Variants in MYO7A observed in about 807,000 individuals in gnomAD.
The protein encoded by MYO7A is unconventional myosin-VIIa.
Under a neutral mutation model 263.8 loss-of-function variants are expected in MYO7A, and 210 were observed. The observed-to-expected ratio is 0.80, with a 90% CI of 0.71 to 0.89. The LOEUF is 0.89. MYO7A is among the 40% of genes least tolerant of loss of function. The pLI is 0.00. For synonymous variants in MYO7A, 1,239 were observed against 1,197.3 expected (o/e 1.03, Z -0.72); for missense variants, 2,820 against 2,968.3 (o/e 0.95, Z 1.16).
rs1223266742 is a variant in MYO7A, at chr11:77,151,446, C to T, written c.285+3496C>T. ...GGATGTGTTCTTGGTCTCCATGGCC[C>T]GCTAAATGCTAACGAAGTCCCCAGA... On this transcript the variant is annotated intron_variant, in intron 4 of 48. Coordinates refer to ENST00000409709, the MANE Select transcript of MYO7A (RefSeq NM_000260.4). Among the ~76,000 whole-genome samples, 10 of 152,122 alleles carry T rather than the reference C, an allele frequency of 6.6e-5. 1 individual carries two copies.
At chr11:77,196,816 G>C (rs1188642931) in intron 32 of MYO7A, among the ~76,000 whole-genome samples, 4 of 152,116 alleles carry the variant, frequency 2.6e-5, no homozygotes, top group East Asian at 1.9e-4. Context: ...ATAAAAACCA[G>C]GATTTCACTC....
At position 77,132,119 on chromosome 11, in the gene MYO7A, G is replaced by A. The variant is rs553280418; in HGVS notation, c.18+1467G>A. Among the ~76,000 whole-genome samples, 7 of 151,104 alleles carry A rather than the reference G, an allele frequency of 4.6e-5. No homozygotes were observed. The South Asian group carries it at 8.4e-4, about 18-fold the overall frequency. The stretch of plus-strand genomic sequence containing the variant: ...CCTCTCTTCCTGCCACATCCTTCCC[G>A]GTCCTGAAAGGTCCACGGAGTGCTT... On this transcript the variant is annotated intron_variant, in intron 2 of 48. Coordinates refer to ENST00000409709, the MANE Select transcript of MYO7A (RefSeq NM_000260.4).
In MYO7A at chr11:77,163,250, A is replaced by G. The variant is rs7937262; in HGVS notation, c.1690+262A>G. Reference sequence around the variant, plus strand: ...AACAGAGGCTCTGCAAGCATGGGGCAGTAACTCCTTCCCCTACCCCCGGCC... The same window carrying G: ...AACAGAGGCTCTGCAAGCATGGGGCGGTAACTCCTTCCCCTACCCCCGGCC... On this transcript the variant is annotated intron_variant, in intron 14 of 48. Transcript: ENST00000409709. Among the ~76,000 whole-genome samples, 61,421 of 151,948 alleles carry G rather than the reference A, an allele frequency of 0.4. 12,853 individuals carry two copies. Among genetic ancestry groups the G allele is most frequent in the African/African-American group, 0.49 (20,099 of 41,408 alleles).
At position 77,192,114 on chromosome 11, in the gene MYO7A, G is replaced by A. The variant is rs751586373; in HGVS notation, c.3988G>A (p.Ala1330Thr). 129 of 1,613,766 alleles carry A rather than the reference G, an allele frequency of 8.0e-5. No homozygotes were observed. The highest frequency in any genetic ancestry group is 1.1e-4 in the Non-Finnish European group (125 of 1,179,894). ...CGCCATCTCCCAGTGCGAGCAGTACGCCAAGGAGCAGGGCGCCCAGGAGCG... is the reference window on the plus strand; with the variant it reads ...CGCCATCTCCCAGTGCGAGCAGTACACCAAGGAGCAGGGCGCCCAGGAGCG... ...MDAISQCEQY[A>T]KEQGAQERNA... Residue 1330 changes from alanine (A) to threonine (T), a missense_variant, in exon 31 of 49, where the codon GCC becomes ACC. By Grantham distance (58) the Ala-to-Thr change is moderately conservative. Transcript: ENST00000409709.
chr11:77,206,259 G>A, intron 41 of MYO7A, 57 bp downstream of exon 41: 1 of 1,381,688 alleles, frequency 7.2e-7, no homozygotes. Context: ...GGCTTCCTGG[G>A]TGGACACCAA....
Position 77,162,109 on chromosome 11 carries a change from T to G in MYO7A, c.1344-11T>G, listed in dbSNP as rs1555069220. 4.4e-6 allele frequency: 7 copies of G among 1,589,446 alleles called. No homozygotes were observed. The highest frequency in any genetic ancestry group is 6.0e-6 in the Non-Finnish European group (7 of 1,167,818). ...GAACAACACCCTTACCCCATCCCTG[T>G]GCCCCTGCAGCTTTGAGCAGCTCTG... On this transcript the variant is annotated splice_polypyrimidine_tract_variant and intron_variant, in intron 12 of 48. Coordinates refer to ENST00000409709, the MANE Select transcript of MYO7A (RefSeq NM_000260.4).
rs1190021886 is a variant in MYO7A at position 77,194,403 on chromosome 11, G to A, written c.4202G>A (p.Gly1401Asp). 6.2e-7 allele frequency: 1 copy of A among 1,612,804 alleles called. No individual in the cohort carries two copies. The highest frequency in any genetic ancestry group is 8.5e-7 in the Non-Finnish European group (1 of 1,179,422). ...TCCCAGCAGTACTTTGTAGACTATG[G>A]CTCTGAGATGATCCTGGAGCGCCTC... Reference protein sequence around the residue: ...LASQQYFVDYGSEMILERLLN... With the variant: ...LASQQYFVDYDSEMILERLLN... The change falls in exon 32 of 49, where the codon GGC becomes GAC. Residue 1401 changes from glycine (G) to aspartate (D), a missense_variant. Transcript: ENST00000409709.
At chr11:77,156,448 T>C (rs1952463951) in intron 5 of MYO7A, among the ~76,000 whole-genome samples, 1 of 152,196 alleles carries the variant, frequency 6.6e-6, no homozygotes, top group Admixed American at 6.5e-5. Flanking sequence ...CTATGACAAG[T>C]ATGGATGCAG....
chr11:77,212,220 C>T (rs1473435972), intron 46 of MYO7A: 1 of 561,708 alleles, frequency 1.8e-6, no homozygotes, highest in African/African-American at 1.9e-5. Context: ...GGAGCCCTCG[C>T]CCAGGTGGCA....
In MYO7A at chr11:77,150,176, G is replaced by A. The variant is rs60704731; in HGVS notation, c.285+2226G>A. On this transcript the variant is annotated intron_variant, in intron 4 of 48. Transcript: ENST00000409709. ...CTGTCAGGAGGAGGCGGAGGGCCCC[G>A]TCTCAGGGGAGGAGCTGGGTAAAAT... is the stretch of plus-strand genomic sequence containing the variant. Among the ~76,000 whole-genome samples the A allele has an allele frequency of 5.1e-4, 77 of 152,342 alleles. No individual in the cohort carries two copies. The East Asian group carries it at 6.0e-3, about 12-fold the overall frequency.
At chr11:77,133,052 TG>T (rs1950812125) in intron 2 of MYO7A, among the ~76,000 whole-genome samples, 1 of 152,078 alleles carries the variant, frequency 6.6e-6, no homozygotes, top group Non-Finnish European at 1.5e-5. Flanking sequence ...CAGACCTATG[TG>T]GGGAGACAGC....
intron 1 of MYO7A, 88 bp from the exon 2 acceptor site, chr11:77,130,501 T>A (rs1396071716): frequency 2.0e-6 from 2 of 993,292 alleles, no homozygotes; most frequent in African/African-American, 1.6e-5. Flanking sequence ...GAGCTGGGGC[T>A]TTGGGAGGAG....
chr11:77,198,471 C>G, intron 33 of MYO7A, 24 bp from the exon 34 acceptor site: 10 of 1,610,702 alleles, frequency 6.2e-6, no homozygotes, highest in Non-Finnish European at 8.5e-6. Context: ...AGGCCTGCCT[C>G]TCAGTGCCTT....
chr11:77,210,390 A>C (rs1957782932), intron 44 of MYO7A, among the ~76,000 whole-genome samples: 1 of 152,070 alleles, frequency 6.6e-6, no homozygotes, highest in South Asian at 2.1e-4. Flanking sequence ...TTGGTGAGTT[A>C]GGTAGGTGAG....
chr11:77,154,008 G>C (rs923734603), intron 4 of MYO7A, among the ~76,000 whole-genome samples: 1 of 152,186 alleles, frequency 6.6e-6, no homozygotes, highest in South Asian at 2.1e-4. Flanking sequence ...CCAGCTACTC[G>C]AGACGTGGAG....
intron 15 of MYO7A, among the ~76,000 whole-genome samples, chr11:77,168,490 T>C (rs1953772714): frequency 1.3e-5 from 2 of 152,320 alleles, no homozygotes; most frequent in Admixed American, 1.3e-4. Flanking sequence ...ACTCCCACTT[T>C]ACAGGTGAAG....
Position 77,187,456 on chromosome 11 carries a change from G to A in MYO7A, c.3504-1888G>A, listed in dbSNP as rs76866643. On this transcript the variant is annotated intron_variant, in intron 27 of 48. Coordinates refer to ENST00000409709, the MANE Select transcript of MYO7A (RefSeq NM_000260.4). Reference sequence around the variant, plus strand: ...AGACCTGGAGCATAGTAAGCGCCCCGTAGATGGTAGCTTTGATCATCATCA... The same window carrying A: ...AGACCTGGAGCATAGTAAGCGCCCCATAGATGGTAGCTTTGATCATCATCA... Among the ~76,000 whole-genome samples the A allele has an allele frequency of 6.6e-3, 1,004 of 152,328 alleles. 6 individuals carry two copies. The highest frequency in any genetic ancestry group is 0.023 in the African/African-American group (965 of 41,576).
At position 77,213,018 on chromosome 11, in the gene MYO7A, A is replaced by T; in HGVS notation, c.6421A>T (p.Ile2141Phe). ...CATCAACAAGTATGGGGTCAGCCTC[A>T]TCGATCCCAAAACGAAGGTGAGCAG... Reference protein sequence around the residue: ...IAINKYGVSLIDPKTKDILTT... With the variant: ...IAINKYGVSLFDPKTKDILTT... Residue 2141 changes from isoleucine to phenylalanine, a missense_variant, in exon 47 of 49, where the codon ATC (isoleucine) becomes TTC (phenylalanine). Physicochemically the swap from Ile to Phe is conservative, Grantham distance 21. Coordinates refer to ENST00000409709, the MANE Select transcript of MYO7A (RefSeq NM_000260.4). The T allele has an allele frequency of 1.3e-6, 2 of 1,582,158 alleles. No homozygotes were observed. Among genetic ancestry groups the T allele is most frequent in the Non-Finnish European group, 1.7e-6 (2 of 1,163,254 alleles).
chr11:77,194,090 G>A (rs1237948859), intron 31 of MYO7A: 2 of 657,490 alleles, frequency 3.0e-6, no homozygotes, highest in East Asian at 3.0e-5. Context: ...CACTTCATGT[G>A]CCCCTGGGCA....
Sources: allele counts gnomAD v4.1 joint callset (sites outside exome capture counted in the v4.1 genomes callset), GRCh38; gene constraint gnomAD v4.1.1; transcripts MANE v1.5; gene names NCBI Gene and HGNC (gene_info 2026-07-23, HGNC 2026-07-21).